The following RALYL variants were observed in gnomAD, a reference collection of about 807,000 sequenced individuals.
The protein encoded by RALYL is RALY RNA binding protein like.
In RALYL, 29 loss-of-function variants were observed where a neutral mutation model predicts 35.1. The observed-to-expected ratio is 0.83, with a 90% CI of 0.61 to 1.13. The LOEUF is 1.13. Among genes scored for constraint, RALYL ranks in the 50% most tolerant of loss-of-function variants. The probability of loss-of-function intolerance (pLI) is 0.00; values close to 1 mark genes in which losing one functional copy is unlikely to be tolerated. For missense variants in RALYL, 359 were observed against 360.4 expected (o/e 1.00, Z 0.03); for synonymous variants, 120 against 127.6 (o/e 0.94, Z 0.40).
intron 4 of RALYL, among the ~76,000 whole-genome samples, chr8:84,815,703 A>AAAT (rs1827080547): frequency 1.3e-5 from 2 of 152,178 alleles, no homozygotes; most frequent in South Asian, 4.1e-4. Flanking sequence ...CTGATCTTGG[A>AAAT]AATAAGCTGA....
intron 1 of RALYL, among the ~76,000 whole-genome samples, chr8:84,375,638 T>C (rs1856764451): frequency 6.6e-6 from 1 of 151,842 alleles, no homozygotes; most frequent in Admixed American, 6.6e-5. Context: ...ACAAAAGTGG[T>C]ACGCAAATTC....
chr8:84,857,907 A>G (rs1172900793), intron 5 of RALYL, among the ~76,000 whole-genome samples: 3 of 152,138 alleles, frequency 2.0e-5, no homozygotes, highest in Non-Finnish European at 4.4e-5. Flanking sequence ...AATAATAACA[A>G]GTTCTTTTTT....
At chr8:84,716,506 G>A (rs945375459) in intron 2 of RALYL, among the ~76,000 whole-genome samples, 1 of 152,106 alleles carries the variant, frequency 6.6e-6, no homozygotes, top group Non-Finnish European at 1.5e-5. Flanking sequence ...ATGGTCACTT[G>A]CATTGTATAA....
intron 1 of RALYL, among the ~76,000 whole-genome samples, chr8:84,359,526 G>T (rs1219389519): frequency 6.6e-6 from 1 of 151,932 alleles, no homozygotes; most frequent in Non-Finnish European, 1.5e-5. Context: ...TAAAAAAGAA[G>T]TATTTTAGTC....
chr8:84,206,738 G>A (rs984562500), intron 1 of RALYL, among the ~76,000 whole-genome samples: 6 of 152,112 alleles, frequency 3.9e-5, no homozygotes, highest in Admixed American at 2.0e-4. Flanking sequence ...AGATTGTGGC[G>A]CGACATTTAA....
At chr8:84,227,122 A>G (rs986122477) in intron 1 of RALYL, among the ~76,000 whole-genome samples, 2 of 126,458 alleles carry the variant, frequency 1.6e-5, no homozygotes, top group Non-Finnish European at 3.1e-5. Context: ...GTGCAATGGC[A>G]TGATTTCATC....
chr8:84,689,453 A>T (rs1404904464), intron 2 of RALYL, among the ~76,000 whole-genome samples: 1 of 152,206 alleles, frequency 6.6e-6, no homozygotes, highest in Non-Finnish European at 1.5e-5. Flanking sequence ...TATATGTGCC[A>T]CATTTTCTTA....
Position 84,253,189 on chromosome 8 carries a change from T to G in RALYL, c.-24+68765T>G, listed in dbSNP as rs1411049963. ...TGTAGTTCTGCAGTTTTTTTTTTTT[T>G]TTTTTTTTTTTTTTTTTTGAGACAG... On this transcript the variant is annotated intron_variant, in intron 1 of 8. Coordinates refer to ENST00000521268, the MANE Select transcript of RALYL (RefSeq NM_173848.7). Among the ~76,000 whole-genome samples the G allele has an allele frequency of 7.6e-4, 96 of 125,590 alleles. 3 individuals are homozygous for G. The South Asian group carries it at 0.025, about 33-fold the overall frequency. 82.4% of individuals were successfully genotyped at this position (125,590 alleles called of 152,430 possible).
intron 1 of RALYL, among the ~76,000 whole-genome samples, chr8:84,372,891 T>TTTTTTTTTGTTTTGTTTTG (rs1856112605): frequency 2.6e-5 from 3 of 116,726 alleles, no homozygotes; most frequent in African/African-American, 3.5e-5. Context: ...CATCTGTTTT[T>TTTTTTTTTGTTTTGTTTTG]TTTTTTTTTT....
chr8:84,275,897 AT>A (rs1222058339), intron 1 of RALYL, among the ~76,000 whole-genome samples: 1 of 152,106 alleles, frequency 6.6e-6, no homozygotes, highest in Non-Finnish European at 1.5e-5. Flanking sequence ...GCCTTGAGAC[AT>A]TTTTTGTTTT....
At chr8:84,699,944 A>G (rs1181969502) in intron 2 of RALYL, among the ~76,000 whole-genome samples, 2 of 152,182 alleles carry the variant, frequency 1.3e-5, no homozygotes, top group Non-Finnish European at 2.9e-5. Context: ...TCATACTTTT[A>G]AGTATAATCG....
chr8:84,234,522 C>T (rs1187211976), intron 1 of RALYL, among the ~76,000 whole-genome samples: 1 of 152,090 alleles, frequency 6.6e-6, no homozygotes, highest in Non-Finnish European at 1.5e-5. Flanking sequence ...TTTTAAAAAG[C>T]ATGTTTCATA....
At chr8:84,242,719 T>A (rs1828224528) in intron 1 of RALYL, among the ~76,000 whole-genome samples, 1 of 152,226 alleles carries the variant, frequency 6.6e-6, no homozygotes, top group Non-Finnish European at 1.5e-5. Flanking sequence ...AAGTTCCTTG[T>A]TGACTCTGGA....
chr8:84,529,686 T>A, intron 2 of RALYL, 109 bp downstream of exon 2: 1 of 810,758 alleles, frequency 1.2e-6, no homozygotes, highest in Non-Finnish European at 1.8e-6. Context: ...TTTAACCAAT[T>A]AGAGTGATTT....
chr8:84,875,542 T>TAATA (rs33978407), intron 7 of RALYL, among the ~76,000 whole-genome samples: 1 of 151,606 alleles, frequency 6.6e-6, no homozygotes, highest in Non-Finnish European at 1.5e-5. Context: ...TTTAAAATAA[T>TAATA]AAGACTTAGT....
At chr8:84,764,365 A>T (rs1813398028) in intron 2 of RALYL, among the ~76,000 whole-genome samples, 1 of 152,204 alleles carries the variant, frequency 6.6e-6, no homozygotes, top group Non-Finnish European at 1.5e-5. Flanking sequence ...TTGATCAATG[A>T]AAATGAATGC....
At chr8:84,337,547 A>G (rs1848031897) in intron 1 of RALYL, among the ~76,000 whole-genome samples, 1 of 152,114 alleles carries the variant, frequency 6.6e-6, no homozygotes, top group African/African-American at 2.4e-5. Flanking sequence ...AGTTGTTTTT[A>G]TAACTTTTCA....
At chr8:84,273,087 C>T (rs921054389) in intron 1 of RALYL, among the ~76,000 whole-genome samples, 1 of 152,214 alleles carries the variant, frequency 6.6e-6, no homozygotes, top group Non-Finnish European at 1.5e-5. Flanking sequence ...AGTCAGAGGA[C>T]AAGTTTACTG....
intron 5 of RALYL, among the ~76,000 whole-genome samples, chr8:84,861,083 C>T (rs1313448376): frequency 6.6e-6 from 1 of 151,490 alleles, no homozygotes; most frequent in Non-Finnish European, 1.5e-5. Flanking sequence ...TATTTTCTTC[C>T]CATTCTAGTT....
Sources: allele counts gnomAD v4.1 joint callset (sites outside exome capture counted in the v4.1 genomes callset), GRCh38; gene constraint gnomAD v4.1.1; transcripts MANE v1.5; gene names NCBI Gene and HGNC (gene_info 2026-07-23, HGNC 2026-07-21).